Variants in FRMD4B observed in about 807,000 individuals in gnomAD.
The protein encoded by FRMD4B is FERM domain-containing protein 4B.
Under a neutral mutation model 141.5 loss-of-function variants are expected in FRMD4B, and 74 were observed. The ratio of observed to expected loss-of-function variants is 0.52; its 90% CI spans 0.43 to 0.63. The LOEUF (loss-of-function observed/expected upper bound fraction) is 0.63. Ranked by LOEUF, FRMD4B falls within the 30% of genes least tolerant of loss-of-function variation. FRMD4B has a pLI of 0.00. For synonymous variants in FRMD4B, 506 were observed against 467.9 expected, an observed-to-expected ratio of 1.08 and a Z score of -1.05; for missense variants, 1,366 against 1,253.4, an observed-to-expected ratio of 1.09 and a Z score of -1.36.
chr3:69,499,737 G>A (rs1213671797), intron 1 of FRMD4B, among the ~76,000 whole-genome samples: 2 of 152,108 alleles, frequency 1.3e-5, no homozygotes, highest in African/African-American at 4.8e-5. Context: ...GATTGCATTT[G>A]AATTCAGACT....
intron 1 of FRMD4B, among the ~76,000 whole-genome samples, chr3:69,350,782 C>T (rs748465230): frequency 1.5e-5 from 2 of 135,418 alleles, no homozygotes; most frequent in African/African-American, 5.7e-5. Context: ...AATGAGAACA[C>T]TTGGACACAG....
At chr3:69,190,062 A>T in intron 17 of FRMD4B, 110 bp from the exon 18 acceptor site, 1 of 652,160 alleles carries the variant, frequency 1.5e-6, no homozygotes, top group Non-Finnish European at 2.8e-6. Context: ...AAATGTAATT[A>T]ATTACAGTGC....
intron 2 of FRMD4B, among the ~76,000 whole-genome samples, chr3:69,417,300 C>T (rs1704884437): frequency 6.6e-6 from 1 of 152,116 alleles, no homozygotes; most frequent in African/African-American, 2.4e-5. Flanking sequence ...CTCTAATGAC[C>T]AGTGACGATG....
At chr3:69,360,668 T>C (rs1300621902) in intron 1 of FRMD4B, among the ~76,000 whole-genome samples, 4 of 152,244 alleles carry the variant, frequency 2.6e-5, no homozygotes, top group African/African-American at 4.8e-5. Context: ...TAAGTTTTGC[T>C]GATTGCATTC....
At chr3:69,366,145 G>A (rs1047818480) in intron 1 of FRMD4B, among the ~76,000 whole-genome samples, 7 of 149,758 alleles carry the variant, frequency 4.7e-5, no homozygotes, top group South Asian at 2.1e-4. Flanking sequence ...TTGTAATCCC[G>A]GCTACTTGGG....
chr3:69,348,397 C>G (rs1331851138), intron 1 of FRMD4B, among the ~76,000 whole-genome samples: 11 of 152,256 alleles, frequency 7.2e-5, no homozygotes, highest in South Asian at 2.1e-4. Context: ...CCAAATTCTA[C>G]CAGAGGTACA....
intron 1 of FRMD4B, among the ~76,000 whole-genome samples, chr3:69,466,996 C>A (rs1237207633): frequency 2.6e-5 from 4 of 152,152 alleles, no homozygotes; most frequent in Non-Finnish European, 2.9e-5. Flanking sequence ...GCCACTGTGC[C>A]CGGCTAGAAG....
intron 5 of FRMD4B, among the ~76,000 whole-genome samples, chr3:69,271,754 C>G (rs1488274053): frequency 6.6e-6 from 1 of 152,132 alleles, no homozygotes; most frequent in African/African-American, 2.4e-5. Context: ...AGGTGGATCA[C>G]CAGAGGTCAG....
At chr3:69,429,270 C>T (rs959023586) in intron 2 of FRMD4B, among the ~76,000 whole-genome samples, 8 of 152,130 alleles carry the variant, frequency 5.3e-5, no homozygotes, top group Non-Finnish European at 1.2e-4. Context: ...GAAGATAAAT[C>T]CCTAAAAGTT....
chr3:69,343,737 A>G (rs545198801), intron 1 of FRMD4B, among the ~76,000 whole-genome samples: 19 of 151,676 alleles, frequency 1.3e-4, no homozygotes, highest in African/African-American at 4.6e-4. Flanking sequence ...GTGCCACCAT[A>G]CCTGGCTAAT....
chr3:69,478,863 G>C (rs980444276), intron 1 of FRMD4B, among the ~76,000 whole-genome samples: 1 of 151,666 alleles, frequency 6.6e-6, no homozygotes. Context: ...GGTCACTCAG[G>C]ACTTGCTTTA....
chr3:69,270,553 C>CTTTTTTT (rs1299274185), intron 5 of FRMD4B, among the ~76,000 whole-genome samples: 1 of 139,164 alleles, frequency 7.2e-6, no homozygotes, highest in Non-Finnish European at 1.6e-5. Flanking sequence ...CAAGCATTTT[C>CTTTTTTT]TTTTTTTCTT....
chr3:69,416,005 C>T (rs1371213259), intron 2 of FRMD4B, among the ~76,000 whole-genome samples: 2 of 152,144 alleles, frequency 1.3e-5, no homozygotes, highest in Non-Finnish European at 2.9e-5. Flanking sequence ...ATAAAGTGCC[C>T]TGTCCTCTGA....
intron 1 of FRMD4B, among the ~76,000 whole-genome samples, chr3:69,449,586 A>G (rs1362379162): frequency 1.3e-5 from 2 of 152,192 alleles, no homozygotes; most frequent in African/African-American, 4.8e-5. Context: ...CTATGATCAC[A>G]TTTTCTGGAC....
chr3:69,476,684 A>G (rs1322085460), intron 1 of FRMD4B, among the ~76,000 whole-genome samples: 1 of 151,986 alleles, frequency 6.6e-6, no homozygotes, highest in East Asian at 1.9e-4. Context: ...CTTGGCAATG[A>G]GGGCTCTTTT....
intron 2 of FRMD4B, among the ~76,000 whole-genome samples, chr3:69,313,180 TTAAG>T (rs1232819610): frequency 6.6e-5 from 10 of 152,178 alleles, no homozygotes; most frequent in Admixed American, 6.5e-4. Context: ...CACAGAGCTA[TTAAG>T]TGTCAAGCTG....
intron 18 of FRMD4B, 80 bp downstream of exon 18, chr3:69,189,816 G>T: frequency 1.2e-6 from 1 of 820,242 alleles, no homozygotes. Flanking sequence ...AAACAAATAG[G>T]CCTTACTTAA....
At chr3:69,328,076 C>A (rs944657710) in intron 1 of FRMD4B, among the ~76,000 whole-genome samples, 2 of 152,188 alleles carry the variant, frequency 1.3e-5, no homozygotes, top group Admixed American at 6.5e-5. Flanking sequence ...GGGAACATAA[C>A]TGGGAGGAAA....
chr3:69,491,759 T>C (rs1367561250), intron 1 of FRMD4B, among the ~76,000 whole-genome samples: 2 of 152,216 alleles, frequency 1.3e-5, no homozygotes, highest in African/African-American at 2.4e-5. Flanking sequence ...CTTGCTGATA[T>C]GCAAGCCTCC....
Sources: allele counts gnomAD v4.1 joint callset (sites outside exome capture counted in the v4.1 genomes callset), GRCh38; gene constraint gnomAD v4.1.1; transcripts MANE v1.5; gene names NCBI Gene and HGNC (gene_info 2026-07-23, HGNC 2026-07-21).